Variants in NDUFA10 observed in about 807,000 individuals in gnomAD.
NDUFA10 encodes the protein NADH dehydrogenase [ubiquinone] 1 alpha subcomplex subunit 10, mitochondrial.
A neutral mutation model predicts 47.8 loss-of-function variants in NDUFA10; 40 were observed. That is an observed-to-expected ratio of 0.84 (90% CI 0.65 to 1.09). The LOEUF (loss-of-function observed/expected upper bound fraction) is 1.09, where lower values mean the gene tolerates loss of function less well. Ranked by LOEUF, NDUFA10 falls within the 50% of genes least tolerant of loss-of-function variation. The pLI is 0.00. For synonymous variants in NDUFA10, 183 were observed against 172.2 expected (o/e 1.06, Z -0.49); for missense variants, 413 against 451.1 (o/e 0.92, Z 0.76).
chr2:239,973,233 T>C (rs1166615065), intron 9 of NDUFA10, among the ~76,000 whole-genome samples: 1 of 152,192 alleles, frequency 6.6e-6, no homozygotes, highest in Non-Finnish European at 1.5e-5. Flanking sequence ...ACTGAAAATT[T>C]GTATTTTAAC....
chr2:240,015,453 T>C (rs919035157), intron 4 of NDUFA10, among the ~76,000 whole-genome samples: 4 of 152,270 alleles, frequency 2.6e-5, no homozygotes, highest in Admixed American at 2.0e-4. Context: ...AAATACTTTA[T>C]TTTTCAAATA....
Position 239,903,573 on chromosome 2 carries a change from G to A in NDUFA10, c.295-8259C>T, listed in dbSNP as rs146499585. On this transcript the variant is annotated intron_variant, in intron 4 of 5. Transcript: ENST00000419408. ...GCATGCCTGACAAATAAGGCTGGAC[G>A]CTGCCCTGTTGAAAAGGGGAAAGGA... Among the ~76,000 whole-genome samples, 209 of 152,328 alleles carry A rather than the reference G, an allele frequency of 1.4e-3. 2 individuals carry two copies. The highest frequency in any genetic ancestry group is 4.5e-3 in the African/African-American group (186 of 41,570).
At chr2:240,005,381 C>T in intron 7 of NDUFA10, 86 bp from the exon 8 acceptor site, 1 of 1,084,166 alleles carries the variant, frequency 9.2e-7, no homozygotes, top group Non-Finnish European at 1.4e-6. Flanking sequence ...CAGGGTCCGG[C>T]TCTATCATCC....
chr2:239,896,441 T>G (rs770866091), intron 4 of NDUFA10, among the ~76,000 whole-genome samples: 1 of 151,996 alleles, frequency 6.6e-6, no homozygotes, highest in Non-Finnish European at 1.5e-5. Context: ...AATTCAAGGG[T>G]AGAGGAGCAT....
intron 8 of NDUFA10, among the ~76,000 whole-genome samples, chr2:240,003,409 T>C (rs948657893): frequency 6.6e-5 from 10 of 152,218 alleles, no homozygotes; most frequent in African/African-American, 2.4e-4. Context: ...CCGGCCATCC[T>C]TGTGCCTCCA....
At chr2:239,975,357 T>C (rs984781983) in intron 9 of NDUFA10, among the ~76,000 whole-genome samples, 5 of 152,210 alleles carry the variant, frequency 3.3e-5, no homozygotes, top group African/African-American at 7.2e-5. Context: ...GACATTTATT[T>C]ATAGCAATGC....
intron 4 of NDUFA10, among the ~76,000 whole-genome samples, chr2:239,920,294 G>A (rs1332363600): frequency 2.0e-5 from 3 of 152,188 alleles, no homozygotes; most frequent in Admixed American, 6.5e-5. Context: ...AGCTGAGAAT[G>A]GAATGTCCTT....
chr2:239,915,657 G>A (rs1479461845), intron 4 of NDUFA10, among the ~76,000 whole-genome samples: 1 of 145,052 alleles, frequency 6.9e-6, no homozygotes, highest in African/African-American at 2.6e-5. Flanking sequence ...GAGACACACA[G>A]AGATGCACAC....
chr2:239,930,569 C>G (rs987757276), intron 4 of NDUFA10, among the ~76,000 whole-genome samples: 7 of 152,056 alleles, frequency 4.6e-5, no homozygotes, highest in African/African-American at 1.7e-4. Flanking sequence ...CCCTGCCTGC[C>G]GCCCCCAAAG....
intron 8 of NDUFA10, among the ~76,000 whole-genome samples, chr2:240,002,499 G>C (rs958844307): frequency 6.6e-6 from 1 of 152,080 alleles, no homozygotes; most frequent in African/African-American, 2.4e-5. Context: ...TCAGTATATG[G>C]AATATAATAT....
In NDUFA10 at chr2:239,960,698, T is replaced by C; in HGVS notation, c.*420A>G. 8.6e-7 allele frequency: 1 copy of C among 1,158,396 alleles called. No homozygotes were observed. Among genetic ancestry groups the C allele is most frequent in the East Asian group, 5.9e-5 (1 of 17,020 alleles). 71.8% of individuals were successfully genotyped at this position (1,158,396 alleles called of 1,614,324 possible). On this transcript the variant is annotated 3_prime_UTR_variant, in exon 10 of 10. Coordinates refer to ENST00000252711, the MANE Select transcript of NDUFA10 (RefSeq NM_004544.4). Reference sequence around the variant, plus strand: ...GAGCAGCGTGTGTGCACGTGTGCAGTTTCGACGTGCCCGCACGCACATAGA... The same window carrying C: ...GAGCAGCGTGTGTGCACGTGTGCAGCTTCGACGTGCCCGCACGCACATAGA...
intron 4 of NDUFA10, among the ~76,000 whole-genome samples, chr2:239,917,658 T>C (rs764215465): frequency 2.6e-5 from 4 of 152,256 alleles, no homozygotes; most frequent in Non-Finnish European, 5.9e-5. Flanking sequence ...GTTTTGCCTC[T>C]GTATCCTTGC....
chr2:239,957,863 TGAG>T lies in NDUFA10; in HGVS notation c.*3252_*3254del, dbSNP rs1178545116. 6.6e-6 allele frequency: 1 copy of T among 152,248 alleles called. No individual in the cohort carries two copies. The highest frequency in any genetic ancestry group is 1.5e-5 in the Non-Finnish European group (1 of 68,046). The allele number at this position is 152,248 out of a possible 1,614,324, so 9.4% of individuals were successfully genotyped here. ...GGACAGAAAGGCTGGGACCCTCTGC[TGAG>T]AAGAGGCTCCTTTTCCCAAGGGAAG... On this transcript the variant is annotated 3_prime_UTR_variant, in exon 10 of 10. Coordinates refer to ENST00000252711, the MANE Select transcript of NDUFA10 (RefSeq NM_004544.4).
intron 4 of NDUFA10, among the ~76,000 whole-genome samples, chr2:239,950,917 T>G (rs555532323): frequency 6.6e-6 from 1 of 152,300 alleles, no homozygotes; most frequent in South Asian, 2.1e-4. Flanking sequence ...CATGACTGCT[T>G]CAAAGAGGTT....
At chr2:239,917,582 A>C (rs143260458) in intron 4 of NDUFA10, among the ~76,000 whole-genome samples, 1 of 152,358 alleles carries the variant, frequency 6.6e-6, no homozygotes, top group African/African-American at 2.4e-5. Flanking sequence ...GATAACGGAC[A>C]TCTGGGTTGC....
intron 4 of NDUFA10, among the ~76,000 whole-genome samples, chr2:239,924,365 A>T (rs547317589): frequency 5.9e-5 from 9 of 152,276 alleles, no homozygotes; most frequent in Admixed American, 5.9e-4. Flanking sequence ...AGTGGGTTTT[A>T]TTGCAGGAAT....
Position 239,959,461 on chromosome 2 carries a change from C to G in NDUFA10, c.*1657G>C. ...CTCCACAATGGGTTTGTGAAGTGCT[C>G]AGAGCAAAAGACACTCTGTGACTGG... On this transcript the variant is annotated 3_prime_UTR_variant, in exon 10 of 10. Transcript: ENST00000252711. 1 of 985,484 alleles carries G rather than the reference C, an allele frequency of 1.0e-6. No individual in the cohort carries two copies. Among genetic ancestry groups the G allele is most frequent in the Non-Finnish European group, 1.2e-6 (1 of 829,954 alleles). The allele number at this position is 985,484 out of a possible 1,614,324, so 61.0% of individuals were successfully genotyped here. A position where few individuals can be genotyped will look rare whatever the true frequency, so the allele number is the denominator to read the frequency against.
At chr2:239,905,904 T>G (rs1693647130) in intron 4 of NDUFA10, among the ~76,000 whole-genome samples, 1 of 147,282 alleles carries the variant, frequency 6.8e-6, no homozygotes, top group African/African-American at 2.5e-5. Flanking sequence ...GCAGTCCAAG[T>G]GGGAGAGGAG....
At position 239,900,209 on chromosome 2, in the gene NDUFA10, C is replaced by G. The variant is rs566255719; in HGVS notation, c.295-4895G>C. Among the ~76,000 whole-genome samples the G allele has an allele frequency of 2.8e-4, 42 of 152,096 alleles. No homozygotes were observed. The South Asian group carries it at 8.1e-3, about 29-fold the overall frequency. ...GAAGGCTGTACTGTTGGCTTCCCTACTTTTGAGGTTTTGGGACTTGGACTT... is the reference window on the plus strand; with the variant it reads ...GAAGGCTGTACTGTTGGCTTCCCTAGTTTTGAGGTTTTGGGACTTGGACTT... On this transcript the variant is annotated intron_variant, in intron 4 of 5. Transcript: ENST00000419408.
Sources: allele counts gnomAD v4.1 joint callset (sites outside exome capture counted in the v4.1 genomes callset), GRCh38; gene constraint gnomAD v4.1.1; transcripts MANE v1.5; gene names NCBI Gene and HGNC (gene_info 2026-07-23, HGNC 2026-07-21).